TTF2: variants seen among roughly 807,000 people sequenced by gnomAD.
The protein encoded by TTF2 is RNA polymerase II termination factor.
TTF2 carries 108 observed loss-of-function variants against 142.4 expected under a neutral mutation model. That is an observed-to-expected ratio of 0.76 (90% CI 0.65 to 0.89). TTF2 has a LOEUF of 0.89. TTF2 is among the 40% of genes least tolerant of loss of function. TTF2 has a pLI of 0.00. For missense variants in TTF2, 1,327 were observed against 1,379.8 expected (o/e 0.96, Z 0.61); for synonymous variants, 483 against 506.2 (o/e 0.95, Z 0.61).
chr1:117,076,774 A>G lies in TTF2; in HGVS notation c.1524A>G (p.Leu508=). ...CCCAACCTGTGGGTTCTCTAGAACT[A>G]AAGTCTGCCTGCCAGGTGACTGCTG... ...RGTQPVGSLE[L]KSACQVTAGG... The change falls in exon 7 of 23, where the codon CTA becomes CTG. Residue 508 remains leucine, a synonymous_variant. Transcript: ENST00000369466. This position sits in a 1 kb window ranked among gnomAD's most constrained non-coding sequence, Gnocchi z 4.6. 1.2e-6 allele frequency: 2 copies of G among 1,614,098 alleles called. No individual in the cohort carries two copies. Among genetic ancestry groups the G allele is most frequent in the Non-Finnish European group, 1.7e-6 (2 of 1,179,992 alleles).
chr1:117,081,456 T>G (rs1199607408), intron 9 of TTF2, among the ~76,000 whole-genome samples: 2 of 152,232 alleles, frequency 1.3e-5, no homozygotes, highest in East Asian at 3.8e-4. Context: ...GTAAAGTAAG[T>G]AGTAGGATAT....
In TTF2 at chr1:117,086,762, A is replaced by G. The variant is rs1159044764; in HGVS notation, c.2160+240A>G. ...CAGCTGCCTTTTAGAATGAAAGATGACTGCATTGTATTTGTGGGGGTAATA... is the reference window on the plus strand; with the variant it reads ...CAGCTGCCTTTTAGAATGAAAGATGGCTGCATTGTATTTGTGGGGGTAATA... On this transcript the variant is annotated intron_variant, in intron 12 of 22. Coordinates refer to ENST00000369466, the MANE Select transcript of TTF2 (RefSeq NM_003594.4). This position sits in a 1 kb window ranked among gnomAD's most constrained non-coding sequence, Gnocchi z 4.2. 2.0e-5 allele frequency among the ~76,000 whole-genome samples: 3 copies of G among 152,134 alleles called. No individual in the cohort carries two copies. The highest frequency in any genetic ancestry group is 2.9e-5 in the Non-Finnish European group (2 of 68,038).
rs945176320 is a variant in TTF2 at position 117,093,244 on chromosome 1, G to T, written c.2976+343G>T. Among the ~76,000 whole-genome samples the T allele has an allele frequency of 3.3e-5, 5 of 152,206 alleles. No homozygotes were observed. The highest frequency in any genetic ancestry group is 7.3e-5 in the Non-Finnish European group (5 of 68,030). ...AATTTGTTTAGAGAAAGCTTAAAAG[G>T]AAAACAAAGGCTTGACTCTAGAGAC... On this transcript the variant is annotated intron_variant, in intron 18 of 22. Coordinates refer to ENST00000369466, the MANE Select transcript of TTF2 (RefSeq NM_003594.4). The surrounding 1 kb of genome is among the most constrained non-coding windows in gnomAD (Gnocchi z 4.5).
intron 8 of TTF2, 62 bp downstream of exon 8, chr1:117,078,105 C>T: frequency 6.3e-6 from 10 of 1,580,324 alleles, no homozygotes; most frequent in Non-Finnish European, 8.6e-6. Flanking sequence ...CCCCATGAAA[C>T]TGCTGGCAGA....
rs755688341 is a variant in TTF2 at position 117,091,853 on chromosome 1, C to T, written c.2708C>T (p.Ser903Leu). The T allele has an allele frequency of 1.5e-5, 24 of 1,610,992 alleles. No homozygotes were observed. Among genetic ancestry groups the T allele is most frequent in the Admixed American group, 5.0e-5 (3 of 59,748 alleles). The change falls in exon 17 of 23, where the codon TCG becomes TTG. Residue 903 changes from serine to leucine, a missense_variant. Coordinates refer to ENST00000369466, the MANE Select transcript of TTF2 (RefSeq NM_003594.4). ...LEFGSEEPRH[S>L]EAADSPRSST... ...TTTGGGTCTGAGGAGCCTAGACACT[C>T]GGAGGCAGCAGACTCACCGAGATCC...
chr1:117,073,134 G>A lies in TTF2; in HGVS notation c.219-527G>A, dbSNP rs74111940. On this transcript the variant is annotated intron_variant, in intron 3 of 22. Coordinates refer to ENST00000369466, the MANE Select transcript of TTF2 (RefSeq NM_003594.4). This position sits in a 1 kb window ranked among gnomAD's most constrained non-coding sequence, Gnocchi z 4.4. ...GGGATCAGGTTGTTTGTCCTATAGC[G>A]TTTCCCACTGCCAAGATTTTGAAGG... 6.5e-3 allele frequency among the ~76,000 whole-genome samples: 992 copies of A among 152,202 alleles called. 11 individuals carry two copies. The highest frequency in any genetic ancestry group is 0.023 in the African/African-American group (937 of 41,518).
In TTF2 at chr1:117,095,170, T is replaced by C. The variant is rs1648998574; in HGVS notation, c.2977-139T>C. The C allele has an allele frequency of 9.7e-6, 7 of 720,708 alleles. No individual in the cohort carries two copies. The East Asian group carries it at 1.6e-4, about 16-fold the overall frequency. 44.6% of individuals were successfully genotyped at this position (720,708 alleles called of 1,614,324 possible). On this transcript the variant is annotated intron_variant, in intron 18 of 22. Coordinates refer to ENST00000369466, the MANE Select transcript of TTF2 (RefSeq NM_003594.4). Reference sequence around the variant, plus strand: ...CACATTTTAGAAAGAGCTTTCTGGCTGCAGAGAGGAGGGTGGAATAAAGAC... The same window carrying C: ...CACATTTTAGAAAGAGCTTTCTGGCCGCAGAGAGGAGGGTGGAATAAAGAC...
intron 17 of TTF2, 34 bp downstream of exon 17, chr1:117,091,984 G>A: frequency 3.2e-6 from 5 of 1,564,644 alleles, no homozygotes; most frequent in African/African-American, 1.4e-5. Context: ...GTCATATAGT[G>A]CTCCAGAGGG....
At position 117,104,267 on chromosome 1, in the gene TTF2, G is replaced by A. The variant is rs1649796460; in HGVS notation, c.*2743G>A. ...ATCTCAATCCTTTCATCTGTAAAAT[G>A]TGTGGATTAGCATGTATCTCATGCT... On this transcript the variant is annotated 3_prime_UTR_variant, in exon 23 of 23. Coordinates refer to ENST00000369466, the MANE Select transcript of TTF2 (RefSeq NM_003594.4). 1.3e-5 allele frequency: 2 copies of A among 152,218 alleles called. No individual in the cohort carries two copies. Among genetic ancestry groups the A allele is most frequent in the Non-Finnish European group, 2.9e-5 (2 of 68,048 alleles). 9.4% of individuals were successfully genotyped at this position (152,218 alleles called of 1,614,324 possible).
chr1:117,076,809 G>A lies in TTF2; in HGVS notation c.1559G>A (p.Ser520Asn). The change falls in exon 7 of 23, where the codon AGT becomes AAT. Residue 520 changes from serine (S) to asparagine (N), a missense_variant. Physicochemically the swap from Ser to Asn is conservative, Grantham distance 46. Transcript: ENST00000369466. The surrounding 1 kb of genome is among the most constrained non-coding windows in gnomAD (Gnocchi z 4.6). ...TGCCAGGTGACTGCTGGAGGATCCA[G>A]TCAGTGCTATCGAGGTAAGACCCAA... The part of the protein sequence containing the change: ...SACQVTAGGS[S>N]QCYRGHTNQD... The A allele has an allele frequency of 1.2e-6, 2 of 1,613,182 alleles. No homozygotes were observed. Among genetic ancestry groups the A allele is most frequent in the South Asian group, 2.2e-5 (2 of 90,900 alleles).
At position 117,079,223 on chromosome 1, in the gene TTF2, G is replaced by A. The variant is rs149321152; in HGVS notation, c.1702-345G>A. On this transcript the variant is annotated intron_variant, in intron 8 of 22. Coordinates refer to ENST00000369466, the MANE Select transcript of TTF2 (RefSeq NM_003594.4). This position sits in a 1 kb window ranked among gnomAD's most constrained non-coding sequence, Gnocchi z 4.2. ...CCACTGCACTCTAGCCTGGGCAACA[G>A]AGCGAGGCTGTCTCAAAAAAATAAA... Among the ~76,000 whole-genome samples, 526 of 152,268 alleles carry A rather than the reference G, an allele frequency of 3.5e-3. 9 individuals are homozygous for A. Among genetic ancestry groups the A allele is most frequent in the Admixed American group, 0.027 (413 of 15,294 alleles).
Position 117,073,577 on chromosome 1 carries a change from T to C in TTF2, c.219-84T>C, listed in dbSNP as rs1006165579. 15 of 1,343,836 alleles carry C rather than the reference T, an allele frequency of 1.1e-5. No individual in the cohort carries two copies. Among genetic ancestry groups the C allele is most frequent in the African/African-American group, 2.9e-5 (2 of 68,568 alleles). The allele number at this position is 1,343,836 out of a possible 1,614,324, so 83.2% of individuals were successfully genotyped here. On this transcript the variant is annotated intron_variant, in intron 3 of 22. Transcript: ENST00000369466. This position sits in a 1 kb window ranked among gnomAD's most constrained non-coding sequence, Gnocchi z 4.4. Reference sequence around the variant, plus strand: ...AAGCCAGGTTCAAATAGTTGCAAGATGTTTTCTTGGATTAAAAATAAGCTT... The same window carrying C: ...AAGCCAGGTTCAAATAGTTGCAAGACGTTTTCTTGGATTAAAAATAAGCTT...
chr1:117,088,157 A>G (rs1275114806), intron 12 of TTF2, among the ~76,000 whole-genome samples: 1 of 152,208 alleles, frequency 6.6e-6, no homozygotes, highest in East Asian at 1.9e-4. Flanking sequence ...AATTTAGTAA[A>G]TGTTTTATTG....
chr1:117,091,078 C>T (rs916035500), intron 15 of TTF2, among the ~76,000 whole-genome samples: 1 of 152,070 alleles, frequency 6.6e-6, no homozygotes, highest in African/African-American at 2.4e-5. Flanking sequence ...TATTTGGTAC[C>T]TCTCATTTAC....
chr1:117,066,640 G>A (rs1363050334), intron 3 of TTF2, among the ~76,000 whole-genome samples: 1 of 150,394 alleles, frequency 6.6e-6, no homozygotes, highest in East Asian at 2.0e-4. Context: ...GAAAGGTAAT[G>A]TTGGTCGAGT....
intron 20 of TTF2, 115 bp downstream of exon 20, chr1:117,096,414 G>T (rs759506139): frequency 5.1e-6 from 7 of 1,370,100 alleles, no homozygotes; most frequent in Non-Finnish European, 6.9e-6. Context: ...TTTTGCTCTT[G>T]TTGCCCAGGC....
intron 2 of TTF2, among the ~76,000 whole-genome samples, chr1:117,060,913 C>CA (rs772192207): frequency 3.2e-4 from 49 of 152,208 alleles, no homozygotes; most frequent in Non-Finnish European, 5.0e-4. Context: ...GGAGTAAGGA[C>CA]ACACAGCAGA....
chr1:117,088,878 A>G lies in TTF2; in HGVS notation c.2238A>G (p.Arg746=). The change falls in exon 13 of 23, where the codon CGA becomes CGG. Residue 746 remains arginine, a synonymous_variant. Transcript: ENST00000369466. The part of the protein sequence containing the change: ...LDEAHNVKNP[R]VQTSIAVCKL... ...AAGCTCACAATGTTAAGAATCCCCG[A>G]GTGCAGACTTCCATAGCTGTGTGTA... 2 of 1,614,216 alleles carry G rather than the reference A, an allele frequency of 1.2e-6. No individual in the cohort carries two copies. Among genetic ancestry groups the G allele is most frequent in the African/African-American group, 2.7e-5 (2 of 75,054 alleles).
chr1:117,084,314 A>T (rs1236026757), intron 11 of TTF2, 146 bp downstream of exon 11: 2 of 1,025,754 alleles, frequency 1.9e-6, no homozygotes, highest in Middle Eastern at 6.4e-4. Context: ...GTCACCATAC[A>T]GCCTTTGCGT....
Sources: gnomAD v4.1 joint callset for allele counts (sites outside exome capture counted in the v4.1 genomes callset) on GRCh38, gnomAD v4.1.1 for gene constraint, Gnocchi (gnomAD v3.1) non-coding constraint, MANE v1.5 for transcripts, NCBI Gene and HGNC (gene_info 2026-07-23, HGNC 2026-07-21) for gene names.